Variants in RIMS1 observed in about 807,000 individuals in gnomAD.
The protein encoded by RIMS1 is regulating synaptic membrane exocytosis 1, also known as regulating synaptic membrane exocytosis protein 1.
RIMS1 carries 83 observed loss-of-function variants against 214.1 expected under a neutral mutation model. The ratio of observed to expected loss-of-function variants is 0.39; its 90% confidence interval spans 0.32 to 0.47. RIMS1 has a LOEUF of 0.47. Ranked by LOEUF, RIMS1 falls within the 20% of genes least tolerant of loss-of-function variation. The probability of loss-of-function intolerance (pLI) is 0.99; values close to 1 mark genes in which losing one functional copy is unlikely to be tolerated. For missense variants in RIMS1, 2,050 were observed against 2,161.8 expected (o/e 0.95, Z 1.03); for synonymous variants, 793 against 786.8 (o/e 1.01, Z -0.13).
intron 7 of RIMS1, among the ~76,000 whole-genome samples, chr6:72,234,425 T>G (rs1175319291): frequency 2.6e-5 from 4 of 152,022 alleles, no homozygotes; most frequent in African/African-American, 9.7e-5. Context: ...GTTTTAAGTT[T>G]ACAGAAAAAT....
At chr6:72,364,140 C>G (rs1020711527) in intron 29 of RIMS1, among the ~76,000 whole-genome samples, 4 of 152,204 alleles carry the variant, frequency 2.6e-5, no homozygotes, top group Non-Finnish European at 5.9e-5. Context: ...TAAAATAACT[C>G]TATTCTGGCT....
At chr6:72,174,858 T>A (rs553914228) in intron 4 of RIMS1, among the ~76,000 whole-genome samples, 1 of 152,338 alleles carries the variant, frequency 6.6e-6, no homozygotes, top group South Asian at 2.1e-4. Context: ...CATATTTTTG[T>A]CTTTCATAAA....
At chr6:72,343,495 T>C (rs78964169) in intron 29 of RIMS1, among the ~76,000 whole-genome samples, 7 of 112,140 alleles carry the variant, frequency 6.2e-5, no homozygotes, top group East Asian at 4.3e-4. Context: ...TCTTCTTCTT[T>C]TTTTTTTTTT....
Position 72,391,779 on chromosome 6 carries a change from A to G in RIMS1, c.4506-919A>G, listed in dbSNP as rs116482698. Among the ~76,000 whole-genome samples the G allele has an allele frequency of 4.4e-3, 663 of 152,332 alleles. 3 individuals are homozygous for G. The highest frequency in any genetic ancestry group is 0.015 in the African/African-American group (639 of 41,572). On this transcript the variant is annotated intron_variant, in intron 30 of 33. Coordinates refer to ENST00000521978, the MANE Select transcript of RIMS1 (RefSeq NM_014989.7). ...GCAGGTATGAAAGTTACAGAGATAAACTTACTGACAAAATACCCATATTTG... is the reference window on the plus strand; with the variant it reads ...GCAGGTATGAAAGTTACAGAGATAAGCTTACTGACAAAATACCCATATTTG...
intron 1 of RIMS1, among the ~76,000 whole-genome samples, chr6:71,967,171 G>A (rs1561989041): frequency 6.6e-6 from 1 of 152,112 alleles, no homozygotes; most frequent in Non-Finnish European, 1.5e-5. Context: ...GGTGGATCAC[G>A]AGGTCAGGAG....
At chr6:72,369,504 G>A (rs116884878) in intron 29 of RIMS1, among the ~76,000 whole-genome samples, 8 of 152,234 alleles carry the variant, frequency 5.3e-5, no homozygotes, top group Non-Finnish European at 7.4e-5. Flanking sequence ...ATGAGAGAAG[G>A]GTACACTAGA....
chr6:72,387,275 C>T (rs1433339544), intron 29 of RIMS1, among the ~76,000 whole-genome samples: 1 of 152,216 alleles, frequency 6.6e-6, no homozygotes, highest in African/African-American at 2.4e-5. Flanking sequence ...AGCAGCACCT[C>T]ACCGTTTAGA....
At chr6:72,215,292 G>A (rs1205861268) in intron 6 of RIMS1, among the ~76,000 whole-genome samples, 1 of 152,022 alleles carries the variant, frequency 6.6e-6, no homozygotes, top group Non-Finnish European at 1.5e-5. Flanking sequence ...TCAAAACATG[G>A]GAAATAAAAG....
intron 6 of RIMS1, among the ~76,000 whole-genome samples, chr6:72,205,974 G>GA (rs1174704885): frequency 6.6e-6 from 1 of 152,038 alleles, no homozygotes; most frequent in African/African-American, 2.4e-5. Flanking sequence ...GTATGTTTTT[G>GA]AAAAAATGAT....
intron 2 of RIMS1, among the ~76,000 whole-genome samples, chr6:71,976,386 C>T (rs911697310): frequency 1.3e-5 from 2 of 151,924 alleles, no homozygotes; most frequent in South Asian, 2.1e-4. Context: ...TATTTTCTTC[C>T]GTTTTAAGAA....
intron 2 of RIMS1, among the ~76,000 whole-genome samples, chr6:72,068,859 C>T (rs527663559): frequency 1.5e-4 from 23 of 151,396 alleles, no homozygotes; most frequent in Non-Finnish European, 2.6e-4. Flanking sequence ...TGCAGTGAGC[C>T]GAGATCGCGC....
chr6:72,105,670 C>G (rs972545973), intron 4 of RIMS1, among the ~76,000 whole-genome samples: 1 of 152,082 alleles, frequency 6.6e-6, no homozygotes, highest in African/African-American at 2.4e-5. Context: ...AAATGTGTAT[C>G]TATATGCATA....
chr6:72,385,415 A>G (rs1445207731), intron 29 of RIMS1, among the ~76,000 whole-genome samples: 1 of 152,234 alleles, frequency 6.6e-6, no homozygotes, highest in East Asian at 1.9e-4. Context: ...ACAAACTTTT[A>G]CAAACTAACT....
intron 2 of RIMS1, among the ~76,000 whole-genome samples, chr6:71,991,311 C>A (rs1801499904): frequency 6.6e-6 from 1 of 151,946 alleles, no homozygotes; most frequent in African/African-American, 2.4e-5. Context: ...TCGATTTCCC[C>A]AGAACATCTG....
chr6:71,992,706 G>T (rs1044353125), intron 2 of RIMS1, among the ~76,000 whole-genome samples: 2 of 151,664 alleles, frequency 1.3e-5, no homozygotes, highest in Non-Finnish European at 2.9e-5. Context: ...AGTAGGGAGT[G>T]CAGTAGCGTG....
At chr6:71,996,855 A>G (rs957702308) in intron 2 of RIMS1, among the ~76,000 whole-genome samples, 2 of 152,212 alleles carry the variant, frequency 1.3e-5, no homozygotes, top group Non-Finnish European at 2.9e-5. Flanking sequence ...GCCCATTAAA[A>G]TTGCACTGGA....
At chr6:72,022,402 T>C (rs1199945910) in intron 2 of RIMS1, among the ~76,000 whole-genome samples, 1 of 152,196 alleles carries the variant, frequency 6.6e-6, no homozygotes, top group Admixed American at 6.6e-5. Context: ...TGTAAATGTT[T>C]ATGTGAATGT....
chr6:72,021,652 G>C (rs1459232573), intron 2 of RIMS1, among the ~76,000 whole-genome samples: 1 of 152,138 alleles, frequency 6.6e-6, no homozygotes, highest in Non-Finnish European at 1.5e-5. Flanking sequence ...CAAATAACAA[G>C]ATCAAAATTT....
intron 23 of RIMS1, among the ~76,000 whole-genome samples, chr6:72,276,646 TAC>T (rs2086593970): frequency 6.6e-6 from 1 of 152,124 alleles, no homozygotes; most frequent in Admixed American, 6.5e-5. Context: ...CCAAAATAAA[TAC>T]ACTTTACATC....
Sources: allele counts gnomAD v4.1 joint callset (sites outside exome capture counted in the v4.1 genomes callset), GRCh38; gene constraint gnomAD v4.1.1; transcripts MANE v1.5; gene names NCBI Gene and HGNC (gene_info 2026-07-23, HGNC 2026-07-21).